PTK2: variants seen among roughly 807,000 people sequenced by gnomAD.
The protein encoded by PTK2 is protein tyrosine kinase 2.
PTK2 carries 45 observed loss-of-function variants against 150.1 expected under a neutral mutation model. The ratio of observed to expected loss-of-function variants is 0.30; its 90% CI spans 0.24 to 0.38. PTK2 has a LOEUF of 0.38. Among genes scored for constraint, PTK2 ranks in the 10% least tolerant of loss-of-function variants. The pLI is 1.00. For missense variants in PTK2, 919 were observed against 1,307.3 expected, an observed-to-expected ratio of 0.70 and a Z score of 4.58; for synonymous variants, 432 against 449.2, an observed-to-expected ratio of 0.96 and a Z score of 0.48.
intron 1 of PTK2, among the ~76,000 whole-genome samples, chr8:140,972,768 A>G (rs919053224): frequency 6.6e-6 from 1 of 152,210 alleles, no homozygotes; most frequent in Non-Finnish European, 1.5e-5. Flanking sequence ...GCACACTGGT[A>G]GAGTTAAGAC....
chr8:140,707,545 A>G (rs1213309318), intron 23 of PTK2, among the ~76,000 whole-genome samples: 1 of 44,724 alleles, frequency 2.2e-5, no homozygotes, highest in African/African-American at 9.5e-5. Context: ...AGCTGGGATT[A>G]CAGGCAGCGG....
intron 1 of PTK2, among the ~76,000 whole-genome samples, chr8:140,942,463 C>T (rs930742952): frequency 6.6e-6 from 1 of 152,030 alleles, no homozygotes; most frequent in Non-Finnish European, 1.5e-5. Flanking sequence ...AGCCTTTAGG[C>T]CACAAATAAA....
intron 10 of PTK2, 46 bp downstream of exon 10, chr8:140,818,231 C>T (rs1415638916): frequency 6.6e-7 from 1 of 1,503,844 alleles, no homozygotes; most frequent in African/African-American, 1.4e-5. Flanking sequence ...TAATTTGATT[C>T]TTCTTTGTGT....
chr8:140,799,747 CA>C (rs1346096683), intron 12 of PTK2, among the ~76,000 whole-genome samples: 1 of 152,120 alleles, frequency 6.6e-6, no homozygotes, highest in East Asian at 1.9e-4. Context: ...CGTGTTTGAC[CA>C]GATGACAGAA....
intron 1 of PTK2, among the ~76,000 whole-genome samples, chr8:140,993,669 G>A (rs1467544061): frequency 2.0e-5 from 3 of 151,988 alleles, no homozygotes; most frequent in African/African-American, 7.3e-5. Flanking sequence ...CAAAATGCAG[G>A]AATTTTAATA....
In PTK2 at chr8:140,803,657, A is replaced by G. The variant is rs1197592853; in HGVS notation, c.868-7T>C. The G allele has an allele frequency of 6.2e-7, 1 of 1,606,274 alleles. No homozygotes were observed. The highest frequency in any genetic ancestry group is 2.2e-5 in the East Asian group (1 of 44,860). On this transcript the variant is annotated splice_region_variant and splice_polypyrimidine_tract_variant and intron_variant, in intron 10 of 31. Coordinates refer to ENST00000522684, the Ensembl canonical transcript of PTK2. ...AGTCAGCAAGATGTGTGGGCTATAA[A>G]AAGGAAAGGTAAAATCTTTAGACTA...
intron 23 of PTK2, among the ~76,000 whole-genome samples, chr8:140,714,193 G>A (rs1424982306): frequency 6.6e-6 from 1 of 152,170 alleles, no homozygotes; most frequent in African/African-American, 2.4e-5. Flanking sequence ...CGGCCTGTAA[G>A]TGAACTTAAT....
At chr8:140,710,049 C>T (rs2100035923) in intron 23 of PTK2, among the ~76,000 whole-genome samples, 2 of 152,126 alleles carry the variant, frequency 1.3e-5, no homozygotes, top group African/African-American at 4.8e-5. Flanking sequence ...TGCAGTGGCT[C>T]ATGTCTGTAA....
At chr8:140,959,576 C>T (rs2100182394) in intron 1 of PTK2, among the ~76,000 whole-genome samples, 1 of 150,298 alleles carries the variant, frequency 6.7e-6, no homozygotes, top group South Asian at 2.1e-4. Flanking sequence ...AAGAGTGATC[C>T]GTTCCCCTCA....
chr8:141,002,000 C>T (rs1040895657), upstream of PTK2: 1 of 152,226 alleles, frequency 6.6e-6, no homozygotes, highest in Non-Finnish European at 1.5e-5. Context: ...CAATCCCTCC[C>T]GAGGGCTACA....
intron 29 of PTK2, chr8:140,674,068 T>C (rs1589383686): frequency 1.5e-6 from 1 of 676,536 alleles, no homozygotes; most frequent in African/African-American, 1.7e-5. Context: ...TCCTAAAATC[T>C]ATTACACTGA....
intron 22 of PTK2, among the ~76,000 whole-genome samples, chr8:140,731,063 G>A (rs533720403): frequency 6.7e-6 from 1 of 148,940 alleles, no homozygotes; most frequent in African/African-American, 2.5e-5. Context: ...AGGTTCAAGC[G>A]ACTCTCTTGC....
At chr8:140,927,975 AAT>A (rs1179717665) in intron 1 of PTK2, among the ~76,000 whole-genome samples, 59 of 48,182 alleles carry the variant, frequency 1.2e-3, no homozygotes, top group South Asian at 5.0e-3. Context: ...AAAAAAAAAA[AAT>A]ATATATATAT....
intron 1 of PTK2, among the ~76,000 whole-genome samples, chr8:140,932,405 G>C (rs921849457): frequency 2.0e-5 from 3 of 151,676 alleles, no homozygotes; most frequent in Non-Finnish European, 2.9e-5. Flanking sequence ...TAGTAGAGAG[G>C]GGGTTTCACC....
At chr8:140,958,948 T>A (rs550568958) in intron 1 of PTK2, among the ~76,000 whole-genome samples, 3 of 152,320 alleles carry the variant, frequency 2.0e-5, no homozygotes, top group Admixed American at 2.0e-4. Context: ...CCTATATGGA[T>A]ACTCAAATGA....
At chr8:140,962,518 C>T (rs1487316771) in intron 1 of PTK2, among the ~76,000 whole-genome samples, 4 of 152,118 alleles carry the variant, frequency 2.6e-5, no homozygotes, top group Non-Finnish European at 5.9e-5. Flanking sequence ...ACAGCTCGAG[C>T]ATACTCTACA....
chr8:140,719,801 G>A (rs149694878), intron 22 of PTK2, among the ~76,000 whole-genome samples: 53 of 149,148 alleles, frequency 3.6e-4, no homozygotes, highest in African/African-American at 1.2e-3. Context: ...AGGTGGGATC[G>A]CTTGAGTCCG....
At chr8:140,926,250 A>T (rs1217711256) in intron 1 of PTK2, among the ~76,000 whole-genome samples, 1 of 152,234 alleles carries the variant, frequency 6.6e-6, no homozygotes, top group African/African-American at 2.4e-5. Flanking sequence ...TGACACATGA[A>T]CAAACTGAGG....
chr8:140,981,765 T>C (rs894562535), intron 1 of PTK2, among the ~76,000 whole-genome samples: 1 of 152,168 alleles, frequency 6.6e-6, no homozygotes, highest in African/African-American at 2.4e-5. Flanking sequence ...AGCTGAGTAC[T>C]TGTGAGAGGT....
Sources: gnomAD v4.1 joint callset for allele counts (sites outside exome capture counted in the v4.1 genomes callset) on GRCh38, gnomAD v4.1.1 for gene constraint, MANE v1.5 for transcripts, NCBI Gene and HGNC (gene_info 2026-07-23, HGNC 2026-07-21) for gene names.